Variants in CDK14 observed in about 807,000 individuals in gnomAD.
CDK14 encodes the protein cyclin-dependent kinase 14.
CDK14 carries 34 observed loss-of-function variants against 60.7 expected under a neutral mutation model. The observed-to-expected ratio is 0.56, with a 90% CI of 0.43 to 0.75. The LOEUF (loss-of-function observed/expected upper bound fraction) is 0.75. Ranked by LOEUF, CDK14 falls within the 30% of genes least tolerant of loss-of-function variation. CDK14 has a pLI of 0.00. For synonymous variants in CDK14, 197 were observed against 203.7 expected (o/e 0.97, Z 0.28); for missense variants, 482 against 564.1 (o/e 0.85, Z 1.47).
chr7:91,067,053 TAAGTG>T (rs1258875256), intron 11 of CDK14, among the ~76,000 whole-genome samples: 3 of 152,186 alleles, frequency 2.0e-5, no homozygotes, highest in Admixed American at 6.5e-5. Context: ...AGAGTAAACT[TAAGTG>T]AAGGAGAACA....
chr7:90,793,100 G>T, intron 5 of CDK14, among the ~76,000 whole-genome samples: 1 of 145,420 alleles, frequency 6.9e-6, no homozygotes, highest in Admixed American at 6.8e-5. Flanking sequence ...TTTCCACTCT[G>T]TATATAATCT....
chr7:90,899,235 G>T, intron 6 of CDK14, 56 bp from the exon 7 acceptor site: 1 of 1,342,066 alleles, frequency 7.5e-7, no homozygotes, highest in South Asian at 1.4e-5. Context: ...GGAAAATATT[G>T]ATTTATTATG....
intron 5 of CDK14, among the ~76,000 whole-genome samples, chr7:90,829,089 C>T (rs1789821322): frequency 6.6e-6 from 1 of 152,152 alleles, no homozygotes; most frequent in South Asian, 2.1e-4. Flanking sequence ...TTTAAACCAT[C>T]AGCTCTTGTG....
At chr7:90,727,371 A>C (rs1309246666) in intron 3 of CDK14, among the ~76,000 whole-genome samples, 1 of 152,126 alleles carries the variant, frequency 6.6e-6, no homozygotes, top group Non-Finnish European at 1.5e-5. Context: ...GTAGGACCAA[A>C]GGAAAGAAGA....
At chr7:91,055,705 TAA>T (rs1160305885) in intron 11 of CDK14, among the ~76,000 whole-genome samples, 1 of 152,226 alleles carries the variant, frequency 6.6e-6, no homozygotes, top group East Asian at 1.9e-4. Flanking sequence ...CTAAGAGTAT[TAA>T]AAGTCTTGTA....
chr7:91,100,109 A>G lies in CDK14; in HGVS notation c.1155-12433A>G, dbSNP rs145749712. On this transcript the variant is annotated intron_variant, in intron 12 of 14. Transcript: ENST00000380050. ...TTCACTAAATCTAGGGATCTTTTCT[A>G]AAATATAACTGAGATACGAGTATAA... 1.4e-4 allele frequency among the ~76,000 whole-genome samples: 21 copies of G among 152,276 alleles called. No homozygotes were observed. In the East Asian group the frequency reaches 3.7e-3, roughly 27 times the overall value.
chr7:90,825,538 T>G (rs931816172), intron 5 of CDK14, among the ~76,000 whole-genome samples: 2 of 152,234 alleles, frequency 1.3e-5, no homozygotes, highest in African/African-American at 4.8e-5. Flanking sequence ...GAGTGGTCAT[T>G]ACCCTTGCCT....
rs141645945 is a variant in CDK14, at chr7:90,791,746, A to C, written c.544+1094A>C. 3.3e-5 allele frequency among the ~76,000 whole-genome samples: 5 copies of C among 152,250 alleles called. 1 individual carries two copies. In the East Asian group the frequency reaches 5.8e-4, roughly 18 times the overall value. On this transcript the variant is annotated intron_variant, in intron 5 of 14. Coordinates refer to ENST00000380050, the MANE Select transcript of CDK14 (RefSeq NM_001287135.2). ...CAGTCACTTGCTTCTTGTCAAGTCA[A>C]ATGTATACCTCTCTGTCTTATTTTA...
intron 2 of CDK14, among the ~76,000 whole-genome samples, chr7:90,659,585 A>G (rs967004981): frequency 1.3e-5 from 2 of 152,214 alleles, no homozygotes; most frequent in Non-Finnish European, 2.9e-5. Context: ...TTTGGCCCGC[A>G]AGAATATTAC....
Position 91,191,015 on chromosome 7 carries a change from G to A in CDK14, c.*29-16150G>A, listed in dbSNP as rs140528588. Among the ~76,000 whole-genome samples the A allele has an allele frequency of 3.0e-3, 459 of 152,254 alleles. 6 individuals carry two copies. Among genetic ancestry groups the A allele is most frequent in the East Asian group, 0.026 (132 of 5,174 alleles). ...CCCCACACTTTCAGATTTGAGGAGG[G>A]TCGCAAACTTCAGCCTAAGTTTACT... On this transcript the variant is annotated intron_variant, in intron 14 of 14. Coordinates refer to ENST00000380050, the MANE Select transcript of CDK14 (RefSeq NM_001287135.2).
At chr7:90,802,346 T>C (rs1244096290) in intron 5 of CDK14, among the ~76,000 whole-genome samples, 1 of 152,224 alleles carries the variant, frequency 6.6e-6, no homozygotes, top group Non-Finnish European at 1.5e-5. Context: ...AGCTGTTTTA[T>C]TGGCAACTGT....
At chr7:90,657,556 G>A (rs1466355834) in intron 2 of CDK14, among the ~76,000 whole-genome samples, 1 of 152,154 alleles carries the variant, frequency 6.6e-6, no homozygotes, top group Non-Finnish European at 1.5e-5. Context: ...CCATGCTGTT[G>A]AATGTGGTAG....
chr7:90,645,036 T>TA (rs750871281), intron 2 of CDK14, among the ~76,000 whole-genome samples: 2 of 152,186 alleles, frequency 1.3e-5, no homozygotes, highest in Non-Finnish European at 2.9e-5. Context: ...ATTATTATTT[T>TA]AGTGAGCACC....
intron 4 of CDK14, among the ~76,000 whole-genome samples, chr7:90,759,217 C>G (rs1562756375): frequency 6.6e-6 from 1 of 152,126 alleles, no homozygotes; most frequent in South Asian, 2.1e-4. Context: ...GCTTTTAAAT[C>G]AAGCTTCCCT....
At position 90,596,700 on chromosome 7, in the gene CDK14, G is replaced by C; in HGVS notation, c.73G>C (p.Glu25Gln). The change falls in exon 1 of 15, where the codon GAG becomes CAG. Residue 25 changes from glutamate to glutamine, a missense_variant. Coordinates refer to ENST00000380050, the MANE Select transcript of CDK14 (RefSeq NM_001287135.2). ...GAAGAAGTTGCGGAGAACTTTGTCG[G>C]AGAGTTTCAGTCGCATTGGTGAGTA... ...KMKKLRRTLS[E>Q]SFSRIALKKD... 6.2e-7 allele frequency: 1 copy of C among 1,612,010 alleles called. No homozygotes were observed. The highest frequency in any genetic ancestry group is 8.5e-7 in the Non-Finnish European group (1 of 1,179,306).
At chr7:90,655,855 C>T (rs1800741215) in intron 2 of CDK14, among the ~76,000 whole-genome samples, 1 of 152,178 alleles carries the variant, frequency 6.6e-6, no homozygotes, top group African/African-American at 2.4e-5. Context: ...CATGCTGAAA[C>T]ACCCTTCATT....
chr7:90,649,321 C>T (rs376028248), intron 2 of CDK14, among the ~76,000 whole-genome samples: 1,509 of 38,268 alleles, frequency 0.039, 39 homozygotes, highest in East Asian at 0.094. Context: ...TCCTTCCTTC[C>T]TTCCTTCCTT....
Position 90,907,144 on chromosome 7 carries a change from G to A in CDK14, c.702+7791G>A, listed in dbSNP as rs368650176. On this transcript the variant is annotated intron_variant, in intron 7 of 14. Coordinates refer to ENST00000380050, the MANE Select transcript of CDK14 (RefSeq NM_001287135.2). The stretch of plus-strand genomic sequence containing the variant: ...TTATAAATATTTATGATGATTAAAG[G>A]CATTGCAACCAGTTTGTAGATGGTG... Among the ~76,000 whole-genome samples the A allele has an allele frequency of 1.5e-3, 228 of 152,108 alleles. 9 individuals are homozygous for A. In the South Asian group the frequency reaches 0.045, roughly 30 times the overall value.
intron 14 of CDK14, among the ~76,000 whole-genome samples, chr7:91,147,578 G>A (rs1414041829): frequency 5.9e-5 from 9 of 152,118 alleles, no homozygotes; most frequent in Non-Finnish European, 1.3e-4. Context: ...AGAATGATTG[G>A]CGAGACATGC....
Sources: allele counts gnomAD v4.1 joint callset (sites outside exome capture counted in the v4.1 genomes callset), GRCh38; gene constraint gnomAD v4.1.1; transcripts MANE v1.5; gene names NCBI Gene and HGNC (gene_info 2026-07-23, HGNC 2026-07-21).